The following ZNF695 variants were observed in gnomAD, a reference collection of about 807,000 sequenced individuals.
ZNF695 encodes zinc finger protein SBZF3.
ZNF695 carries 11 observed loss-of-function variants against 11.2 expected under a neutral mutation model. The ratio of observed to expected loss-of-function variants is 0.98; its 90% confidence interval spans 0.62 to 1.62. ZNF695 has a LOEUF of 1.62. Ranked by LOEUF, ZNF695 falls within the 40% of genes most tolerant of loss-of-function variation. The probability of loss-of-function intolerance (pLI) is 0.00; values close to 1 mark genes in which losing one functional copy is unlikely to be tolerated. For missense variants in ZNF695, 559 were observed against 590.5 expected (o/e 0.95, Z 0.55); for synonymous variants, 190 against 201.4 (o/e 0.94, Z 0.48).
At chr1:246,974,334 A>C (rs772320428) in intron 4 of ZNF695, among the ~76,000 whole-genome samples, 3 of 152,202 alleles carry the variant, frequency 2.0e-5, no homozygotes, top group Non-Finnish European at 2.9e-5. Flanking sequence ...GCATTGGAAT[A>C]TCAGATCTCT....
intron 5 of ZNF695, among the ~76,000 whole-genome samples, chr1:246,959,310 AATATATATAT>A (rs1158852538): frequency 2.8e-3 from 145 of 51,208 alleles, no homozygotes; most frequent in African/African-American, 3.4e-3. Context: ...AAAAAAAAAA[AATATATATAT>A]ATATATATAT....
intron 5 of ZNF695, among the ~76,000 whole-genome samples, chr1:246,967,058 C>T (rs943006261): frequency 1.4e-4 from 21 of 152,198 alleles, no homozygotes; most frequent in African/African-American, 4.8e-4. Flanking sequence ...CCTGCCTCAG[C>T]CTCCCCAGCA....
At position 246,988,121 on chromosome 1, in the gene ZNF695, C is replaced by A; in HGVS notation, c.394G>T (p.Gly132Cys). The change falls in exon 4 of 4, where the codon GGT becomes TGT. Residue 132 changes from glycine (G) to cysteine (C), a missense_variant. Transcript: ENST00000339986. ...LRLRNDWEIV[G>C]EWKGQKASYN... ...CTTGCCTTCTGCCCTTTCCACTCAC[C>A]CACAATTTCCCAGTCATTCCTTAAG... The A allele has an allele frequency of 6.2e-7, 1 of 1,613,860 alleles. No individual in the cohort carries two copies. The highest frequency in any genetic ancestry group is 8.5e-7 in the Non-Finnish European group (1 of 1,179,858).
chr1:246,991,816 C>T (rs1161550360), intron 3 of ZNF695, among the ~76,000 whole-genome samples: 5 of 152,146 alleles, frequency 3.3e-5, no homozygotes, highest in African/African-American at 1.2e-4. Context: ...TACCTGCACC[C>T]CTATGTTGGT....
intron 4 of ZNF695, among the ~76,000 whole-genome samples, chr1:246,972,318 C>T (rs1189542177): frequency 1.3e-5 from 2 of 152,182 alleles, no homozygotes; most frequent in Non-Finnish European, 2.9e-5. Flanking sequence ...TGTCCCCTCC[C>T]ACAGCAACCC....
Position 247,007,985 on chromosome 1 carries a change from C to T in ZNF695, c.-77G>A. 2 of 1,411,932 alleles carry T rather than the reference C, an allele frequency of 1.4e-6. No individual in the cohort carries two copies. 87.5% of individuals were successfully genotyped at this position (1,411,932 alleles called of 1,614,324 possible). ...GCAGGCCACAGGGCGATGGAGCCTG[C>T]GGCAGTCACCCGGGACTCTCCGAGA... On this transcript the variant is annotated 5_prime_UTR_variant, in exon 1 of 4. Transcript: ENST00000339986.
At chr1:246,951,608 T>C in intron 5 of ZNF695, among the ~76,000 whole-genome samples, 1 of 152,170 alleles carries the variant, frequency 6.6e-6, no homozygotes, top group South Asian at 2.1e-4. Context: ...TAGGAGACTA[T>C]TACACGCTCC....
intron 3 of ZNF695, among the ~76,000 whole-genome samples, chr1:246,998,138 AAT>A (rs1437484707): frequency 1.3e-5 from 2 of 152,318 alleles, no homozygotes; most frequent in South Asian, 2.1e-4. Flanking sequence ...GACACCGTAC[AAT>A]AGTTATCCAA....
chr1:246,995,997 T>C (rs1399534994), intron 3 of ZNF695: 1 of 452,764 alleles, frequency 2.2e-6, no homozygotes, highest in Non-Finnish European at 4.4e-6. Context: ...CAAAAGCTGA[T>C]AGGGGAAAAC....
At chr1:246,994,609 A>G (rs894004924) in intron 3 of ZNF695, among the ~76,000 whole-genome samples, 13 of 152,156 alleles carry the variant, frequency 8.5e-5, no homozygotes, top group Admixed American at 2.0e-4. Context: ...AGGCTGAGGC[A>G]GGCGGATCAC....
rs1668888857 is a variant in ZNF695 at position 246,987,504 on chromosome 1, T to C, written c.1011A>G (p.Ser337=). ...GAATTCTTCTATGTTGAGTAAGGTA[T>C]GACAACAATTTAAAGACTTTGCCAC... ...EECGKVFKLL[S]YLTQHRRIHT... The change falls in exon 4 of 4, where the codon TCA becomes TCG. Residue 337 remains serine (S), a synonymous_variant. Transcript: ENST00000339986. 6.2e-7 allele frequency: 1 copy of C among 1,607,464 alleles called. No individual in the cohort carries two copies.
chr1:246,958,194 G>A (rs1192441075), intron 5 of ZNF695, among the ~76,000 whole-genome samples: 1 of 151,806 alleles, frequency 6.6e-6, no homozygotes, highest in Admixed American at 6.6e-5. Context: ...GAGTACCTGG[G>A]ACTACAGGTG....
chr1:247,006,041 G>A (rs1464367191), intron 1 of ZNF695, among the ~76,000 whole-genome samples: 1 of 149,500 alleles, frequency 6.7e-6, no homozygotes, highest in Non-Finnish European at 1.5e-5. Flanking sequence ...CTGGCTAACA[G>A]GGTGAAACCC....
chr1:246,948,315 C>G (rs552812333), intron 5 of ZNF695, among the ~76,000 whole-genome samples: 1 of 152,040 alleles, frequency 6.6e-6, no homozygotes, highest in Admixed American at 6.6e-5. Context: ...CTCAAATGGT[C>G]CACCCTCCTC....
intron 5 of ZNF695, among the ~76,000 whole-genome samples, chr1:246,965,062 T>A (rs755452228): frequency 2.0e-5 from 3 of 151,698 alleles, no homozygotes; most frequent in Non-Finnish European, 4.4e-5. Context: ...ATCAGACTGA[T>A]GACTCTACAA....
intron 1 of ZNF695, among the ~76,000 whole-genome samples, chr1:247,000,486 ACT>A (rs1468035095): frequency 6.6e-6 from 1 of 152,106 alleles, no homozygotes; most frequent in African/African-American, 2.4e-5. Flanking sequence ...ACAGAGCGAG[ACT>A]CTGTCTCAAA....
In ZNF695 at chr1:246,977,447, G is replaced by A. The variant is rs150459556; in HGVS notation, c.391-9655C>T. 3.8e-3 allele frequency among the ~76,000 whole-genome samples: 579 copies of A among 152,254 alleles called. 4 individuals are homozygous for A. Among genetic ancestry groups the A allele is most frequent in the African/African-American group, 4.2e-3 (174 of 41,558 alleles). Reference sequence around the variant, plus strand: ...AATTTTTGTTGTTTTTAGTAGAGGCGGGGTTTTGCCATGTTGGCCAGGTTT... The same window carrying A: ...AATTTTTGTTGTTTTTAGTAGAGGCAGGGTTTTGCCATGTTGGCCAGGTTT... On this transcript the variant is annotated intron_variant, in intron 4 of 5. Coordinates refer to the ZNF695 transcript ENST00000487338.
chr1:246,987,129 T>C lies in ZNF695; in HGVS notation c.1386A>G (p.Lys462=), dbSNP rs746119262. The change falls in exon 4 of 4, where the codon AAA becomes AAG. Residue 462 remains lysine, a synonymous_variant. Coordinates refer to ENST00000339986, the MANE Select transcript of ZNF695 (RefSeq NM_020394.5). ...TNHKRIHTGE[K]PYKCEECGKA... is the part of the protein sequence containing the mutation. ...TGCCACATTCTTCACATTTGTAGGGTTTCTCTCCAGTATGAATTCTCTTAT... is the reference window on the plus strand; with the variant it reads ...TGCCACATTCTTCACATTTGTAGGGCTTCTCTCCAGTATGAATTCTCTTAT... 1.7e-5 allele frequency: 28 copies of C among 1,613,946 alleles called. No individual in the cohort carries two copies. The Middle Eastern group carries it at 9.9e-4, about 57-fold the overall frequency.
intron 3 of ZNF695, among the ~76,000 whole-genome samples, chr1:246,990,639 T>C (rs1473427417): frequency 2.0e-5 from 3 of 152,232 alleles, no homozygotes; most frequent in Admixed American, 1.3e-4. Context: ...GCAGAACGTT[T>C]CATGCAACAG....
Sources: allele counts gnomAD v4.1 joint callset (sites outside exome capture counted in the v4.1 genomes callset), GRCh38; gene constraint gnomAD v4.1.1; transcripts MANE v1.5; gene names NCBI Gene and HGNC (gene_info 2026-07-23, HGNC 2026-07-21).